Variants in IRAK1BP1 observed in about 807,000 individuals in gnomAD.
IRAK1BP1 encodes the protein interleukin-1 receptor-associated kinase 1-binding protein 1.
IRAK1BP1 carries 24 observed loss-of-function variants against 28.0 expected under a neutral mutation model. The observed-to-expected ratio is 0.86, with a 90% confidence interval of 0.62 to 1.20. The LOEUF (loss-of-function observed/expected upper bound fraction) is 1.20. IRAK1BP1 is among the 50% of genes most tolerant of loss of function. The pLI is 0.00. For missense variants in IRAK1BP1, 336 were observed against 316.7 expected (o/e 1.06, Z -0.46); for synonymous variants, 131 against 116.3 (o/e 1.13, Z -0.81).
chr6:78,868,634 C>T (rs936198626), intron 1 of IRAK1BP1, among the ~76,000 whole-genome samples: 8 of 152,154 alleles, frequency 5.3e-5, no homozygotes, highest in African/African-American at 1.7e-4. Flanking sequence ...TCATTTAATC[C>T]ACACAATAGC....
the IRAK1BP1 span, chr6:78,970,834 T>C: frequency 6.2e-7 from 1 of 1,612,378 alleles, no homozygotes. Flanking sequence ...CTATATATTT[T>C]ATTTTTCCGG....
At chr6:78,948,184 A>G (rs1414114025), downstream of IRAK1BP1, among the ~76,000 whole-genome samples, 1 of 152,222 alleles carries the variant, frequency 6.6e-6, no homozygotes, top group African/African-American at 2.4e-5. Flanking sequence ...TTAAGGAAAT[A>G]AAAACAATGG....
chr6:78,898,319 A>C lies in IRAK1BP1; in HGVS notation c.768A>C (p.Arg256Ser), dbSNP rs777957498. ...TTGAGGTAAAGGGAAAAGAGAAGAG[A>C]AAAAAGCACCTTTGAAATTCCAAAC... ...ITFEVKGKEK[R>S]KKHL The change falls in exon 4 of 4, where the codon AGA becomes AGC. Residue 256 changes from arginine to serine, a missense_variant. Coordinates refer to ENST00000369940, the MANE Select transcript of IRAK1BP1 (RefSeq NM_001010844.4). The C allele has an allele frequency of 6.5e-7, 1 of 1,549,280 alleles. No homozygotes were observed. Among genetic ancestry groups the C allele is most frequent in the South Asian group, 1.2e-5 (1 of 82,440 alleles).
At chr6:78,873,501 A>T (rs1770872867) in intron 1 of IRAK1BP1, among the ~76,000 whole-genome samples, 1 of 151,570 alleles carries the variant, frequency 6.6e-6, no homozygotes, top group African/African-American at 2.4e-5. Context: ...TTTTAAACAC[A>T]GGGTCTCATT....
rs1447736819 is a variant in IRAK1BP1 at position 78,900,920 on chromosome 6, AG to A, written c.*2587del. 1 of 152,204 alleles carries A rather than the reference AG, an allele frequency of 6.6e-6. No individual in the cohort carries two copies. The highest frequency in any genetic ancestry group is 1.5e-5 in the Non-Finnish European group (1 of 68,022). The allele number at this position is 152,204 out of a possible 1,614,324, so 9.4% of individuals were successfully genotyped here. ...GGCTTTTCCAAATCCTCCATTAGGA[AG>A]AATTTTTAAATAGCCATATTGAAAA... is the stretch of plus-strand genomic sequence containing the variant. On this transcript the variant is annotated 3_prime_UTR_variant, in exon 4 of 4. Transcript: ENST00000369940.
Position 78,867,598 on chromosome 6 carries a change from C to G in IRAK1BP1, c.22C>G (p.Pro8Ala). 1 of 1,614,124 alleles carries G rather than the reference C, an allele frequency of 6.2e-7. No homozygotes were observed. The highest frequency in any genetic ancestry group is 1.7e-4 in the Middle Eastern group (1 of 6,060). The change falls in exon 1 of 4, where the codon CCG (proline) becomes GCG (alanine). Residue 8 changes from proline (P) to alanine (A), a missense_variant. Transcript: ENST00000369940. Reference protein sequence around the residue: MSLQKTPPTRVFVELVPW... With the variant: MSLQKTPATRVFVELVPW... ...CGCTATGTCTCTGCAAAAGACCCCTCCGACCCGAGTGTTCGTGGAACTGGT... is the reference window on the plus strand; with the variant it reads ...CGCTATGTCTCTGCAAAAGACCCCTGCGACCCGAGTGTTCGTGGAACTGGT...
At chr6:78,870,943 G>A (rs1004825699) in intron 1 of IRAK1BP1, among the ~76,000 whole-genome samples, 2 of 151,700 alleles carry the variant, frequency 1.3e-5, no homozygotes, top group African/African-American at 4.8e-5. Context: ...ACTCCTGACT[G>A]ATCCCCCACC....
chr6:78,922,361 A>G (rs1002379416), intron 4 of IRAK1BP1, among the ~76,000 whole-genome samples: 9 of 152,208 alleles, frequency 5.9e-5, no homozygotes, highest in African/African-American at 2.2e-4. Context: ...AAGAGAGAAG[A>G]GAAGTTTAGA....
downstream of IRAK1BP1, chr6:78,947,715 C>A: frequency 6.3e-7 from 1 of 1,593,574 alleles, no homozygotes. Flanking sequence ...TAATTCCCAG[C>A]CTCTAAAGTT....
At chr6:78,867,942 G>A in intron 1 of IRAK1BP1, 51 bp downstream of exon 1, 1 of 1,483,918 alleles carries the variant, frequency 6.7e-7, no homozygotes, top group Non-Finnish European at 9.0e-7. Flanking sequence ...CAAAAGGGTT[G>A]GCAGATGGTC....
At chr6:78,923,894 G>C (rs539642626) in intron 4 of IRAK1BP1, among the ~76,000 whole-genome samples, 1 of 152,192 alleles carries the variant, frequency 6.6e-6, no homozygotes, top group Non-Finnish European at 1.5e-5. Context: ...CAACGTACCA[G>C]AATCTCTGGG....
intron 1 of IRAK1BP1, among the ~76,000 whole-genome samples, chr6:78,880,843 A>G (rs964063442): frequency 6.6e-6 from 1 of 152,206 alleles, no homozygotes; most frequent in Non-Finnish European, 1.5e-5. Flanking sequence ...CTATGTACCT[A>G]TTAGAATGGC....
At chr6:78,951,018 C>T (rs536115725), downstream of IRAK1BP1, among the ~76,000 whole-genome samples, 29 of 152,204 alleles carry the variant, frequency 1.9e-4, no homozygotes, top group African/African-American at 6.7e-4. Flanking sequence ...TTAACTGCAT[C>T]CTACAAATTT....
chr6:78,943,988 TTTAAAAAAA>T (rs1294906483), intron 4 of IRAK1BP1, among the ~76,000 whole-genome samples: 4 of 24,348 alleles, frequency 1.6e-4, no homozygotes, highest in Non-Finnish European at 3.2e-4. Context: ...CCTGTCTTTT[TTTAAAAAAA>T]AAAAAAAAAA....
intron 4 of IRAK1BP1, among the ~76,000 whole-genome samples, chr6:78,925,987 AT>A (rs1229899083): frequency 1.3e-5 from 2 of 152,116 alleles, no homozygotes; most frequent in Non-Finnish European, 2.9e-5. Flanking sequence ...ATAAGCACTG[AT>A]TAAACATGGG....
At chr6:78,893,314 G>GTATATATA (rs60728695) in intron 2 of IRAK1BP1, among the ~76,000 whole-genome samples, 3,826 of 102,798 alleles carry the variant, frequency 0.037, 187 homozygotes, top group East Asian at 0.11. Flanking sequence ...GTGTGTGTGT[G>GTATATATA]TATATATATA....
the IRAK1BP1 span, among the ~76,000 whole-genome samples, chr6:78,966,311 A>T: frequency 6.6e-6 from 1 of 152,228 alleles, no homozygotes; most frequent in Non-Finnish European, 1.5e-5. Flanking sequence ...ACAGAAATTC[A>T]CTTGTTTTAG....
intron 4 of IRAK1BP1, among the ~76,000 whole-genome samples, chr6:78,943,850 A>G (rs1455474409): frequency 6.6e-6 from 1 of 151,916 alleles, no homozygotes; most frequent in Non-Finnish European, 1.5e-5. Context: ...GCCAGGTGTG[A>G]TGGCACACAC....
At chr6:78,926,582 T>C (rs554997641) in intron 4 of IRAK1BP1, among the ~76,000 whole-genome samples, 3 of 152,256 alleles carry the variant, frequency 2.0e-5, no homozygotes, top group Admixed American at 1.3e-4. Flanking sequence ...TTTAAAAATA[T>C]ACAATTAAAT....
Sources: gnomAD v4.1 joint callset for allele counts (sites outside exome capture counted in the v4.1 genomes callset) on GRCh38, gnomAD v4.1.1 for gene constraint, MANE v1.5 for transcripts, NCBI Gene and HGNC (gene_info 2026-07-23, HGNC 2026-07-21) for gene names.